TSPAN9: variants seen among roughly 807,000 people sequenced by gnomAD.
TSPAN9 encodes tetraspanin 9.
Under a neutral mutation model 31.0 loss-of-function variants are expected in TSPAN9, and 16 were observed. The observed-to-expected ratio is 0.52, with a 90% CI of 0.35 to 0.78. The LOEUF (loss-of-function observed/expected upper bound fraction) is 0.78, where lower values mean the gene tolerates loss of function less well. Among genes scored for constraint, TSPAN9 ranks in the 30% least tolerant of loss-of-function variants. The probability of loss-of-function intolerance (pLI) is 0.01; values close to 1 mark genes in which losing one functional copy is unlikely to be tolerated. For synonymous variants in TSPAN9, 145 were observed against 121.6 expected (o/e 1.19, Z -1.27); for missense variants, 272 against 312.5 (o/e 0.87, Z 0.98).
intron 2 of TSPAN9, among the ~76,000 whole-genome samples, chr12:3,123,190 T>C (rs7956296): frequency 0.081 from 12,392 of 152,218 alleles, 1,640 homozygotes; most frequent in African/African-American, 0.28. Context: ...TGTCCAGGGT[T>C]AGCTCGGGAG....
At chr12:3,218,558 T>C (rs2098382585) in intron 3 of TSPAN9, among the ~76,000 whole-genome samples, 2 of 152,296 alleles carry the variant, frequency 1.3e-5, no homozygotes, top group Admixed American at 1.3e-4. Flanking sequence ...GGAGCGGGCC[T>C]GGCTGCCTTC....
intron 3 of TSPAN9, among the ~76,000 whole-genome samples, chr12:3,276,710 A>G (rs1862796734): frequency 6.6e-6 from 1 of 152,138 alleles, no homozygotes; most frequent in Admixed American, 6.5e-5. Context: ...TTGCTTACAT[A>G]AGGTCAGTGT....
intron 2 of TSPAN9, among the ~76,000 whole-genome samples, chr12:3,128,808 T>A (rs1369847164): frequency 3.9e-5 from 6 of 152,246 alleles, no homozygotes; most frequent in Admixed American, 3.3e-4. Flanking sequence ...ATTTCAACCA[T>A]TTTTAACTGA....
chr12:3,084,728 C>T (rs74733317), intron 2 of TSPAN9, among the ~76,000 whole-genome samples: 383 of 152,306 alleles, frequency 2.5e-3, no homozygotes, highest in African/African-American at 8.9e-3. Context: ...ACAAAGGCCC[C>T]GTGGGGTAGC....
chr12:3,196,527 C>T (rs1002171681), intron 2 of TSPAN9, among the ~76,000 whole-genome samples: 7 of 152,154 alleles, frequency 4.6e-5, no homozygotes, highest in African/African-American at 1.4e-4. Context: ...GTGTACCTAT[C>T]TTGTAGGGTT....
At chr12:3,225,180 C>T (rs1158362728) in intron 3 of TSPAN9, among the ~76,000 whole-genome samples, 2 of 152,170 alleles carry the variant, frequency 1.3e-5, no homozygotes, top group Non-Finnish European at 2.9e-5. Context: ...CAGGAGGGGC[C>T]CCCAGCCTCC....
rs2098362000 is a variant in TSPAN9, at chr12:3,187,448, C to T, written c.-17-13729C>T. On this transcript the variant is annotated intron_variant, in intron 2 of 8. Coordinates refer to ENST00000011898, the MANE Select transcript of TSPAN9 (RefSeq NM_006675.5). The surrounding 1 kb of genome is among the most constrained non-coding windows in gnomAD (Gnocchi z 5.2). Reference sequence around the variant, plus strand: ...CCAGCTTCGTCCATAAAAGCAGGGCCCAGCACTGGACCCAGGTAAGGCCGC... The same window carrying T: ...CCAGCTTCGTCCATAAAAGCAGGGCTCAGCACTGGACCCAGGTAAGGCCGC... Among the ~76,000 whole-genome samples the T allele has an allele frequency of 2.0e-5, 3 of 152,102 alleles. No individual in the cohort carries two copies. The highest frequency in any genetic ancestry group is 4.4e-5 in the Non-Finnish European group (3 of 68,030).
chr12:3,255,373 C>G (rs1862326672), intron 3 of TSPAN9, among the ~76,000 whole-genome samples: 1 of 152,232 alleles, frequency 6.6e-6, no homozygotes, highest in Admixed American at 6.5e-5. Context: ...CTGACTGGCT[C>G]TGCCCACGGC....
intron 2 of TSPAN9, among the ~76,000 whole-genome samples, chr12:3,111,699 C>T (rs998900588): frequency 2.6e-5 from 4 of 151,528 alleles, no homozygotes; most frequent in African/African-American, 4.9e-5. Flanking sequence ...CTGCAGCCTC[C>T]GCTTTCTTGG....
At chr12:3,111,618 T>A (rs2153965393) in intron 2 of TSPAN9, among the ~76,000 whole-genome samples, 1 of 151,392 alleles carries the variant, frequency 6.6e-6, no homozygotes, top group East Asian at 1.9e-4. Flanking sequence ...TTTTTTTTTT[T>A]TTTTTTTGAG....
intron 2 of TSPAN9, among the ~76,000 whole-genome samples, chr12:3,198,915 T>C (rs974150137): frequency 1.0e-4 from 15 of 146,926 alleles, no homozygotes; most frequent in African/African-American, 3.4e-4. Context: ...CACAGCTCTG[T>C]GATGAGGGTC....
intron 2 of TSPAN9, among the ~76,000 whole-genome samples, chr12:3,118,256 G>GTTTTT (rs72307230): frequency 0.14 from 4,433 of 31,238 alleles, 1,472 homozygotes; most frequent in East Asian, 0.38. Flanking sequence ...TGCACCCGCC[G>GTTTTT]TTTTTTTTTT....
intron 3 of TSPAN9, among the ~76,000 whole-genome samples, chr12:3,223,164 C>T (rs2098385446): frequency 6.6e-6 from 1 of 152,250 alleles, no homozygotes; most frequent in Admixed American, 6.5e-5. Flanking sequence ...GCTAGGTCGG[C>T]TTTAAAATCG....
chr12:3,179,415 C>G (rs548326625), intron 2 of TSPAN9, among the ~76,000 whole-genome samples: 2 of 152,182 alleles, frequency 1.3e-5, no homozygotes, highest in East Asian at 3.9e-4. Flanking sequence ...GCCCATTCCT[C>G]TCATTCTGCC....
intron 2 of TSPAN9, among the ~76,000 whole-genome samples, chr12:3,169,633 C>T (rs770380065): frequency 1.3e-5 from 2 of 152,212 alleles, no homozygotes; most frequent in Non-Finnish European, 2.9e-5. Flanking sequence ...GCACCCTAGG[C>T]ATCAGTCTGG....
chr12:3,282,826 C>T (rs1862923504), intron 8 of TSPAN9, among the ~76,000 whole-genome samples: 1 of 152,262 alleles, frequency 6.6e-6, no homozygotes, highest in Admixed American at 6.5e-5. Context: ...TCTGGTCTAA[C>T]AGCCCCACGA....
intron 3 of TSPAN9, among the ~76,000 whole-genome samples, chr12:3,209,989 AG>A (rs1207296200): frequency 4.6e-4 from 17 of 37,334 alleles, no homozygotes; most frequent in Non-Finnish European, 1.2e-3. Flanking sequence ...AAAAAAAATT[AG>A]CCGGGTGTGG....
chr12:3,259,995 A>T (rs1266263654), intron 3 of TSPAN9, among the ~76,000 whole-genome samples: 1 of 152,212 alleles, frequency 6.6e-6, no homozygotes, highest in African/African-American at 2.4e-5. Flanking sequence ...TCACTGATGG[A>T]TGAAAGAGTC....
rs778334782 is a variant in TSPAN9 at position 3,280,287 on chromosome 12, A to T, written c.331-95A>T. The T allele has an allele frequency of 1.6e-5, 18 of 1,137,916 alleles. No homozygotes were observed. Among genetic ancestry groups the T allele is most frequent in the African/African-American group, 4.6e-5 (3 of 65,478 alleles). 70.5% of individuals were successfully genotyped at this position (1,137,916 alleles called of 1,614,324 possible). A position where few individuals can be genotyped will look rare whatever the true frequency, so the allele number is the denominator to read the frequency against. On this transcript the variant is annotated intron_variant, in intron 5 of 8. Coordinates refer to ENST00000011898, the MANE Select transcript of TSPAN9 (RefSeq NM_006675.5). The surrounding 1 kb of genome is among the most constrained non-coding windows in gnomAD (Gnocchi z 4.5). ...GCCTTCCCTGCCTTCCTCACTCCTC[A>T]TCTGTCACCCACCATCCTGGGTGAC...
Sources: gnomAD v4.1 joint callset for allele counts (sites outside exome capture counted in the v4.1 genomes callset) on GRCh38, gnomAD v4.1.1 for gene constraint, Gnocchi (gnomAD v3.1) non-coding constraint, MANE v1.5 for transcripts, NCBI Gene and HGNC (gene_info 2026-07-23, HGNC 2026-07-21) for gene names.